The following CDIN1 variants were observed in gnomAD, a reference collection of about 807,000 sequenced individuals.
CDIN1 encodes CDAN1-interacting nuclease 1.
Under a neutral mutation model 45.3 loss-of-function variants are expected in CDIN1, and 33 were observed. The observed-to-expected ratio is 0.73, with a 90% CI of 0.55 to 0.97. The LOEUF is 0.97. Ranked by LOEUF, CDIN1 falls within the 50% of genes least tolerant of loss-of-function variation. CDIN1 has a pLI of 0.00. For missense variants in CDIN1, 303 were observed against 339.4 expected (o/e 0.89, Z 0.84); for synonymous variants, 118 against 124.4 (o/e 0.95, Z 0.34).
chr15:36,720,234 TTTTA>T lies in CDIN1; in HGVS notation c.716+10284_716+10287del, dbSNP rs1267951628. On this transcript the variant is annotated intron_variant, in intron 10 of 10. Coordinates refer to ENST00000566621, the MANE Select transcript of CDIN1 (RefSeq NM_001321759.2). ...AGTTCATTTTTTTCCAATATAAACA[TTTTA>T]TTTATTTATTATTTATTATTTATTT... is the stretch of plus-strand genomic sequence containing the variant. Among the ~76,000 whole-genome samples, 10 of 126,972 alleles carry T rather than the reference TTTTA, an allele frequency of 7.9e-5. No homozygotes were observed. In the East Asian group the frequency reaches 9.8e-4, roughly 13 times the overall value. The allele number at this position is 126,972 out of a possible 152,430, so 83.3% of individuals were successfully genotyped here.
intron 1 of CDIN1, among the ~76,000 whole-genome samples, chr15:36,589,420 T>C (rs2037460282): frequency 6.6e-6 from 1 of 152,110 alleles, no homozygotes. Context: ...TGCTGTCAAG[T>C]TGCTTAAACA....
intron 8 of CDIN1, chr15:36,706,738 G>T (rs1223676797): frequency 6.6e-6 from 1 of 152,082 alleles, no homozygotes; most frequent in Non-Finnish European, 1.5e-5. Context: ...ACAGACAGTT[G>T]GGACCAAGGA....
At chr15:36,716,496 A>G (rs1443981117) in intron 10 of CDIN1, among the ~76,000 whole-genome samples, 7 of 152,196 alleles carry the variant, frequency 4.6e-5, no homozygotes, top group Admixed American at 4.6e-4. Flanking sequence ...AATGGAGATC[A>G]GGTCAAAATT....
At chr15:36,644,638 G>T (rs551662644) in intron 2 of CDIN1, among the ~76,000 whole-genome samples, 1 of 152,268 alleles carries the variant, frequency 6.6e-6, no homozygotes, top group South Asian at 2.1e-4. Context: ...TGTCAGTGCT[G>T]CTTTCCATTG....
chr15:36,732,277 C>T (rs2043859233), intron 10 of CDIN1, among the ~76,000 whole-genome samples: 1 of 151,214 alleles, frequency 6.6e-6, no homozygotes, highest in African/African-American at 2.4e-5. Flanking sequence ...GACAAAGGCA[C>T]AAAAAAAATT....
At chr15:36,749,755 A>G (rs1426326675) in intron 10 of CDIN1, among the ~76,000 whole-genome samples, 7 of 152,146 alleles carry the variant, frequency 4.6e-5, no homozygotes, top group Non-Finnish European at 1.0e-4. Context: ...CTACCTGTCC[A>G]AGTGTTCTTT....
chr15:36,647,223 G>A (rs896769150), intron 3 of CDIN1, among the ~76,000 whole-genome samples: 6 of 151,650 alleles, frequency 4.0e-5, no homozygotes, highest in Non-Finnish European at 8.8e-5. Context: ...ACAGGGTCTT[G>A]CTACTTTGCC....
intron 1 of CDIN1, chr15:36,617,126 C>G: frequency 1.1e-6 from 1 of 948,086 alleles, no homozygotes; most frequent in Non-Finnish European, 1.7e-6. Flanking sequence ...TCTAAAGGAA[C>G]TGGTTTAAAT....
intron 1 of CDIN1, among the ~76,000 whole-genome samples, chr15:36,619,735 AAAATCTATT>A (rs2039078552): frequency 6.6e-6 from 1 of 152,082 alleles, no homozygotes; most frequent in Non-Finnish European, 1.5e-5. Flanking sequence ...ATTACTTTTT[AAAATCTATT>A]TAAAGTTTGG....
intron 1 of CDIN1, among the ~76,000 whole-genome samples, chr15:36,637,697 A>G (rs982145774): frequency 6.6e-6 from 1 of 152,230 alleles, no homozygotes; most frequent in African/African-American, 2.4e-5. Flanking sequence ...ATTCAACAAT[A>G]GAATAGATAA....
intron 5 of CDIN1, among the ~76,000 whole-genome samples, chr15:36,661,609 C>T (rs2041017185): frequency 1.3e-5 from 2 of 152,054 alleles, no homozygotes. Context: ...ATAGTCTACC[C>T]CTGGGATCAC....
intron 1 of CDIN1, among the ~76,000 whole-genome samples, chr15:36,633,129 T>C (rs2039748308): frequency 2.6e-5 from 4 of 152,184 alleles, no homozygotes; most frequent in African/African-American, 7.2e-5. Context: ...ATTAATTTTG[T>C]TATAAAATAT....
intron 10 of CDIN1, among the ~76,000 whole-genome samples, chr15:36,729,325 T>C (rs1025900717): frequency 6.6e-6 from 1 of 152,216 alleles, no homozygotes; most frequent in Non-Finnish European, 1.5e-5. Flanking sequence ...GAGCTATCAC[T>C]GAGAATTTTA....
chr15:36,659,215 T>A (rs187580030), intron 5 of CDIN1, among the ~76,000 whole-genome samples: 1 of 152,228 alleles, frequency 6.6e-6, no homozygotes, highest in Non-Finnish European at 1.5e-5. Flanking sequence ...TTGTGAATTA[T>A]GAAGTTAATA....
chr15:36,764,220 T>C (rs866357628), intron 10 of CDIN1, among the ~76,000 whole-genome samples: 1 of 119,908 alleles, frequency 8.3e-6, no homozygotes, highest in Admixed American at 8.0e-5. Flanking sequence ...TTTGGTTTTT[T>C]TTTTTTTTTT....
intron 10 of CDIN1, among the ~76,000 whole-genome samples, chr15:36,723,444 G>A (rs1486488897): frequency 2.0e-5 from 3 of 152,152 alleles, no homozygotes; most frequent in Non-Finnish European, 4.4e-5. Context: ...GTCATTGGTT[G>A]TGTGCTAATG....
At chr15:36,582,324 A>G (rs907597794) in intron 1 of CDIN1, among the ~76,000 whole-genome samples, 1 of 152,212 alleles carries the variant, frequency 6.6e-6, no homozygotes, top group Non-Finnish European at 1.5e-5. Context: ...TATGAAGTAT[A>G]TGTGCTTTGT....
chr15:36,743,912 A>C (rs998853048), intron 10 of CDIN1, among the ~76,000 whole-genome samples: 10 of 151,780 alleles, frequency 6.6e-5, no homozygotes, highest in Non-Finnish European at 1.3e-4. Flanking sequence ...CCAAAAAAAA[A>C]CACGAGGCTG....
At chr15:36,693,444 T>C (rs974849) in intron 7 of CDIN1, among the ~76,000 whole-genome samples, 44,561 of 152,104 alleles carry the variant, frequency 0.29, 6,645 homozygotes, top group East Asian at 0.41. Context: ...ACCAACCTTA[T>C]GTTGCTAACA....
Sources: gnomAD v4.1 joint callset for allele counts (sites outside exome capture counted in the v4.1 genomes callset) on GRCh38, gnomAD v4.1.1 for gene constraint, MANE v1.5 for transcripts, NCBI Gene and HGNC (gene_info 2026-07-23, HGNC 2026-07-21) for gene names.